The following NR1H2 variants were observed in gnomAD, a reference collection of about 807,000 sequenced individuals.
NR1H2 encodes nuclear receptor subfamily 1 group H member 2, also known as oxysterols receptor LXR-beta.
In NR1H2, 33 loss-of-function variants were observed where a neutral mutation model predicts 51.2. The ratio of observed to expected loss-of-function variants is 0.64; its 90% CI spans 0.49 to 0.86. NR1H2 has a LOEUF of 0.86. NR1H2 is among the 40% of genes least tolerant of loss of function. NR1H2 has a pLI of 0.00. For synonymous variants in NR1H2, 310 were observed against 264.3 expected, an observed-to-expected ratio of 1.17 and a Z score of -1.68; for missense variants, 592 against 639.9, an observed-to-expected ratio of 0.93 and a Z score of 0.81.
Position 50,377,890 on chromosome 19 carries a change from T to C in NR1H2, c.181+20T>C. 1 of 1,524,554 alleles carries C rather than the reference T, an allele frequency of 6.6e-7. No homozygotes were observed. Among genetic ancestry groups the C allele is most frequent in the Non-Finnish European group, 8.8e-7 (1 of 1,140,094 alleles). 94.4% of individuals were successfully genotyped at this position (1,524,554 alleles called of 1,614,324 possible). A position where few individuals can be genotyped will look rare whatever the true frequency, so the allele number is the denominator to read the frequency against. On this transcript the variant is annotated intron_variant, in intron 4 of 9. Transcript: ENST00000253727. ...ACTGGGGTGAGACAGGGCCCTGGAGTTGATGTGGGGGCTTGGGGAGGGGTT... is the reference window on the plus strand; with the variant it reads ...ACTGGGGTGAGACAGGGCCCTGGAGCTGATGTGGGGGCTTGGGGAGGGGTT...
rs750391349 is a variant in NR1H2, at chr19:50,382,075, G to C, written c.1137G>C (p.Ser379=). Residue 379 remains serine (S), a synonymous_variant, in exon 9 of 10, where the codon TCG becomes TCC. Transcript: ENST00000253727. ...YALLIAINIF[S]ADRPNVQEPG... The stretch of plus-strand genomic sequence containing the variant: ...TGCTCATCGCCATCAACATCTTCTC[G>C]GCCGACCGGCCCAACGTGCAGGAGC... The C allele has an allele frequency of 2.3e-5, 36 of 1,551,940 alleles. No homozygotes were observed. Among genetic ancestry groups the C allele is most frequent in the Middle Eastern group, 3.3e-4 (2 of 6,012 alleles).
chr19:50,381,017 C>T (rs1372052376), intron 8 of NR1H2, among the ~76,000 whole-genome samples: 1 of 152,140 alleles, frequency 6.6e-6, no homozygotes, highest in Non-Finnish European at 1.5e-5. Context: ...TCTCTGTGGC[C>T]CACAAAGCCC....
Position 50,382,064 on chromosome 19 carries a change from A to G in NR1H2, c.1126A>G (p.Asn376Asp), listed in dbSNP as rs944237114. 2.6e-6 allele frequency: 4 copies of G among 1,557,304 alleles called. No individual in the cohort carries two copies. Among genetic ancestry groups the G allele is most frequent in the Middle Eastern group, 1.7e-4 (1 of 6,002 alleles). Residue 376 changes from asparagine (N) to aspartate (D), a missense_variant, in exon 9 of 10, where the codon AAC (asparagine) becomes GAC (aspartate). By Grantham distance (23) the Asn-to-Asp change is conservative. This residue lies in a region of NR1H2 where 174 missense variants were observed against 174.0 expected (regional missense o/e 1.00). Coordinates refer to ENST00000253727, the MANE Select transcript of NR1H2 (RefSeq NM_007121.7). ...TGAGTACGCCCTGCTCATCGCCATCAACATCTTCTCGGCCGACCGGCCCAA... is the reference window on the plus strand; with the variant it reads ...TGAGTACGCCCTGCTCATCGCCATCGACATCTTCTCGGCCGACCGGCCCAA... ...DAEYALLIAI[N>D]IFSADRPNVQ...
chr19:50,380,274 C>T (rs1218361262), intron 8 of NR1H2, among the ~76,000 whole-genome samples: 1 of 152,192 alleles, frequency 6.6e-6, no homozygotes, highest in Non-Finnish European at 1.5e-5. Context: ...TTAGGAAAAG[C>T]ATTCCCCGCC....
Position 50,378,518 on chromosome 19 carries a change from A to G in NR1H2, c.473-4A>G, listed in dbSNP as rs767381617. On this transcript the variant is annotated splice_polypyrimidine_tract_variant and splice_region_variant and intron_variant, in intron 5 of 9. Coordinates refer to ENST00000253727, the MANE Select transcript of NR1H2 (RefSeq NM_007121.7). ...GTTCTGCTGAGGCCTGCATCCCCCT[A>G]CAGGCGTCCTTTCTGAAGAACAGAT... The G allele has an allele frequency of 1.2e-6, 2 of 1,604,222 alleles. No individual in the cohort carries two copies. Among genetic ancestry groups the G allele is most frequent in the Non-Finnish European group, 8.5e-7 (1 of 1,174,044 alleles).
At position 50,379,067 on chromosome 19, in the gene NR1H2, G is replaced by A. The variant is rs1006655684; in HGVS notation, c.813G>A (p.Thr271=). 6.2e-7 allele frequency: 1 copy of A among 1,613,864 alleles called. No individual in the cohort carries two copies. The highest frequency in any genetic ancestry group is 8.5e-7 in the Non-Finnish European group (1 of 1,180,018). Reference sequence around the variant, plus strand: ...GCCAGCAACGCTTTGCCCACTTCACGGAGCTGGCCATCATCTCAGTCCAGG... The same window carrying A: ...GCCAGCAACGCTTTGCCCACTTCACAGAGCTGGCCATCATCTCAGTCCAGG... ...DARQQRFAHF[T]ELAIISVQEI... is the part of the protein sequence containing the mutation. The change falls in exon 7 of 10, where the codon ACG becomes ACA. Residue 271 remains threonine, a synonymous_variant. Transcript: ENST00000253727.
rs2037818900 is a variant in NR1H2, at chr19:50,383,254, G to A, written c.*652G>A. Among the ~76,000 whole-genome samples the A allele has an allele frequency of 6.6e-6, 1 of 151,354 alleles. No individual in the cohort carries two copies. Among genetic ancestry groups the A allele is most frequent in the Non-Finnish European group, 1.5e-5 (1 of 67,866 alleles). ...AGAACTCACCCTTGAAGGATAAACA[G>A]GATTTAAGTGAATGAGGGGACCTGG... On this transcript the variant is annotated 3_prime_UTR_variant, in exon 10 of 10. Coordinates refer to ENST00000253727, the MANE Select transcript of NR1H2 (RefSeq NM_007121.7).
chr19:50,378,380 GGCGCAAGTGCCAGCAGTGCCGGCT>G lies in NR1H2; in HGVS notation c.424_447del (p.Gln142_Cys149del). The G allele has an allele frequency of 2.5e-6, 4 of 1,608,820 alleles. No homozygotes were observed. The highest frequency in any genetic ancestry group is 3.4e-6 in the Non-Finnish European group (4 of 1,176,462). On this transcript the variant is annotated inframe_deletion, in exon 5 of 10. Coordinates refer to ENST00000253727, the MANE Select transcript of NR1H2 (RefSeq NM_007121.7). ...ACCTGCCAGATGGACGCTTTCATGC[GGCGCAAGTGCCAGCAGTGCCGGCT>G]GCGCAAGTGCAAGGAGGCAGGGATG...
At position 50,378,484 on chromosome 19, in the gene NR1H2, A is replaced by G. The variant is rs201483294; in HGVS notation, c.473-38A>G. 13 of 1,584,202 alleles carry G rather than the reference A, an allele frequency of 8.2e-6. No individual in the cohort carries two copies. In the African/African-American group the frequency reaches 1.5e-4, roughly 18 times the overall value. On this transcript the variant is annotated intron_variant, in intron 5 of 9. Coordinates refer to ENST00000253727, the MANE Select transcript of NR1H2 (RefSeq NM_007121.7). ...GCGGTGCCGGCCTGGCCCCCCGCCT[A>G]GCCCTGGGGTTCTGCTGAGGCCTGC...
chr19:50,379,213 G>C (rs753667928), intron 7 of NR1H2, 32 bp downstream of exon 7: 1 of 1,591,286 alleles, frequency 6.3e-7, no homozygotes. Flanking sequence ...AGGAACCCCA[G>C]AGATAGCTCC....
intron 8 of NR1H2, among the ~76,000 whole-genome samples, chr19:50,380,109 G>A (rs978476805): frequency 1.3e-5 from 2 of 152,218 alleles, no homozygotes; most frequent in Admixed American, 6.5e-5. Context: ...ATAGTGAGCC[G>A]TGATTGTGCG....
At chr19:50,376,856 C>CGGGGCTG (rs1336630425) in intron 2 of NR1H2, 30 bp downstream of exon 2, 1 of 129,376 alleles carries the variant, frequency 7.7e-6, no homozygotes, top group Non-Finnish European at 1.6e-5. Context: ...ATGGAGGAGG[C>CGGGGCTG]GGGGCGGGGC....
chr19:50,380,591 A>G (rs1420857102), intron 8 of NR1H2, among the ~76,000 whole-genome samples: 2 of 150,966 alleles, frequency 1.3e-5, no homozygotes, highest in African/African-American at 4.9e-5. Flanking sequence ...CCTTCCTCTT[A>G]CTCCGGCCCT....
chr19:50,382,183 CCGCAGAGCCTCTG>C lies in NR1H2; in HGVS notation c.1236+19_1236+31del. On this transcript the variant is annotated intron_variant, in intron 9 of 9. Coordinates refer to ENST00000253727, the MANE Select transcript of NR1H2 (RefSeq NM_007121.7). Reference sequence around the variant, plus strand: ...GCATCAAGAGGCCGCAGGTAGGGCCCCGCAGAGCCTCTGCGCAGAGCCAACTACGTCCCGCGGC... The same window carrying C: ...GCATCAAGAGGCCGCAGGTAGGGCCCCGCAGAGCCAACTACGTCCCGCGGC... The C allele has an allele frequency of 7.2e-6, 11 of 1,521,468 alleles. No homozygotes were observed. Among genetic ancestry groups the C allele is most frequent in the Middle Eastern group, 2.1e-4 (1 of 4,686 alleles). 94.2% of individuals were successfully genotyped at this position (1,521,468 alleles called of 1,614,324 possible). A position where few individuals can be genotyped will look rare whatever the true frequency, so the allele number is the denominator to read the frequency against.
At position 50,377,807 on chromosome 19, in the gene NR1H2, G is replaced by C. The variant is rs373906062; in HGVS notation, c.118G>C (p.Gly40Arg). The change falls in exon 4 of 10, where the codon GGG (glycine) becomes CGG (arginine). Residue 40 changes from glycine (G) to arginine (R), a missense_variant. Around this residue, in one of 3 missense-constraint regions of NR1H2, gnomAD observed 316 missense variants for 313.4 expected, o/e 1.01. Coordinates refer to ENST00000253727, the MANE Select transcript of NR1H2 (RefSeq NM_007121.7). ...VKEEGPEPWP[G>R]GPDPDVPGTD... Reference sequence around the variant, plus strand: ...GGAGGAGGGTCCGGAGCCGTGGCCCGGGGGTCCGGACCCTGATGTCCCAGG... The same window carrying C: ...GGAGGAGGGTCCGGAGCCGTGGCCCCGGGGTCCGGACCCTGATGTCCCAGG... 1 of 1,609,316 alleles carries C rather than the reference G, an allele frequency of 6.2e-7. No individual in the cohort carries two copies. Among genetic ancestry groups the C allele is most frequent in the Non-Finnish European group, 8.5e-7 (1 of 1,178,008 alleles).
In NR1H2 at chr19:50,379,786, C is replaced by G. The variant is rs1029430292; in HGVS notation, c.934C>G (p.Leu312Val). The change falls in exon 8 of 10, where the codon CTG (leucine) becomes GTG (valine). Residue 312 changes from leucine (L) to valine (V), a missense_variant. Physicochemically the swap from Leu to Val is conservative, Grantham distance 32. Transcript: ENST00000253727. ...LLKASTIEIM[L>V]LETARRYNHE... ...CTCCCGCTGCCGCCCTTAGATCATG[C>G]TGCTAGAGACAGCCAGGCGCTACAA... The G allele has an allele frequency of 1.9e-6, 3 of 1,612,324 alleles. No individual in the cohort carries two copies. The African/African-American group carries it at 4.0e-5, about 22-fold the overall frequency.
chr19:50,378,561 GGAAACA>G lies in NR1H2; in HGVS notation c.514_519del (p.Lys172_Gln173del), dbSNP rs1568594494. On this transcript the variant is annotated inframe_deletion, in exon 6 of 10. Transcript: ENST00000253727. ...GAACAGATCCGGAAGAAGAAGATTC[GGAAACA>G]GCAGCAGGAGTCACAGTCACAGTCG... 1.1e-5 allele frequency: 16 copies of G among 1,406,732 alleles called. No homozygotes were observed. The East Asian group carries it at 4.2e-4, about 37-fold the overall frequency. The allele number at this position is 1,406,732 out of a possible 1,614,324, so 87.1% of individuals were successfully genotyped here. A position where few individuals can be genotyped will look rare whatever the true frequency, so the allele number is the denominator to read the frequency against.
chr19:50,378,683 G>A lies in NR1H2; in HGVS notation c.634G>A (p.Gly212Arg), dbSNP rs542914341. ...ATCTGAGGCAGGCAGCCAGGGCTCC[G>A]GGGAAGGCGAGGGTGTCCAGCTAAC... ...GGSEAGSQGS[G>R]EGEGVQLTAA... Residue 212 changes from glycine (G) to arginine (R), a missense_variant, in exon 6 of 10, where the codon GGG (glycine) becomes AGG (arginine). Physicochemically the swap from Gly to Arg is moderately radical, Grantham distance 125. Transcript: ENST00000253727. 9.9e-6 allele frequency: 16 copies of A among 1,613,736 alleles called. No homozygotes were observed. In the East Asian group the frequency reaches 1.3e-4, roughly 13 times the overall value.
rs1486441776 is a variant in NR1H2 at position 50,383,073 on chromosome 19, T to G, written c.*471T>G. On this transcript the variant is annotated 3_prime_UTR_variant, in exon 10 of 10. Transcript: ENST00000253727. Reference sequence around the variant, plus strand: ...TTCTAGGGACCTCAGTGACACTGGGTGCCCGAACCTGATTGAGCAGGTGGG... The same window carrying G: ...TTCTAGGGACCTCAGTGACACTGGGGGCCCGAACCTGATTGAGCAGGTGGG... The G allele has an allele frequency of 1.3e-5, 2 of 152,904 alleles. No individual in the cohort carries two copies. Among genetic ancestry groups the G allele is most frequent in the African/African-American group, 2.4e-5 (1 of 41,454 alleles). 9.5% of individuals were successfully genotyped at this position (152,904 alleles called of 1,614,324 possible). A position where few individuals can be genotyped will look rare whatever the true frequency, so the allele number is the denominator to read the frequency against.
Sources: allele counts gnomAD v4.1 joint callset (sites outside exome capture counted in the v4.1 genomes callset), GRCh38; gene constraint gnomAD v4.1.1; regional missense constraint gnomAD v4.1.1; transcripts MANE v1.5; gene names NCBI Gene and HGNC (gene_info 2026-07-23, HGNC 2026-07-21).